The following MCTP2 variants were observed in gnomAD, a reference collection of about 807,000 sequenced individuals.
MCTP2 encodes the protein multiple C2 and transmembrane domain containing 2, also known as multiple C2 and transmembrane domain-containing protein 2.
In MCTP2, 132 loss-of-function variants were observed where a neutral mutation model predicts 111.6. That is an observed-to-expected ratio of 1.18 (90% CI 1.03 to 1.37). MCTP2 has a LOEUF of 1.37. MCTP2 is among the 40% of genes most tolerant of loss of function. The pLI, the probability that MCTP2 is intolerant of heterozygous loss-of-function variation, is 0.00. For missense variants in MCTP2, 1,183 were observed against 1,067.9 expected (o/e 1.11, Z -1.50); for synonymous variants, 395 against 387.7 (o/e 1.02, Z -0.22).
At chr15:94,376,148 T>C (rs1197138451) in intron 12 of MCTP2, among the ~76,000 whole-genome samples, 2 of 152,138 alleles carry the variant, frequency 1.3e-5, no homozygotes, top group Non-Finnish European at 2.9e-5. Context: ...AATCAGGGGG[T>C]TGCATTTCCA....
chr15:94,403,488 G>C (rs901189252), intron 17 of MCTP2, among the ~76,000 whole-genome samples: 1 of 152,218 alleles, frequency 6.6e-6, no homozygotes, highest in Non-Finnish European at 1.5e-5. Context: ...CCACTGTGAG[G>C]AGGAGAGGAT....
chr15:94,346,085 G>T (rs2077965124), intron 8 of MCTP2, among the ~76,000 whole-genome samples: 2 of 151,880 alleles, frequency 1.3e-5, no homozygotes, highest in Non-Finnish European at 2.9e-5. Flanking sequence ...TTGAAACTGG[G>T]GCCACTGCCA....
At chr15:94,308,168 A>G (rs1203236022) in intron 2 of MCTP2, among the ~76,000 whole-genome samples, 2 of 152,170 alleles carry the variant, frequency 1.3e-5, no homozygotes, top group African/African-American at 4.8e-5. Context: ...AATTATTCTA[A>G]CAACCTATAA....
At chr15:94,245,293 T>TATATTTATATACATATATGTAC (rs1167717749) in intron 1 of MCTP2, among the ~76,000 whole-genome samples, 2 of 142,842 alleles carry the variant, frequency 1.4e-5, no homozygotes, top group African/African-American at 5.0e-5. Flanking sequence ...CACATATGTA[T>TATATTTATATACATATATGTAC]ATATTTATAT....
At chr15:94,308,196 T>C (rs1008062075) in intron 2 of MCTP2, among the ~76,000 whole-genome samples, 3 of 152,212 alleles carry the variant, frequency 2.0e-5, no homozygotes, top group African/African-American at 7.2e-5. Context: ...TTTTGATCCA[T>C]TGAGAGATGT....
chr15:94,381,801 A>T (rs1189080022), intron 12 of MCTP2, among the ~76,000 whole-genome samples: 4 of 152,118 alleles, frequency 2.6e-5, no homozygotes, highest in Admixed American at 6.5e-5. Flanking sequence ...GTGTTGTTCT[A>T]TGTTGGTAGG....
At chr15:94,472,140 G>C (rs185873341) in intron 21 of MCTP2, among the ~76,000 whole-genome samples, 2 of 152,218 alleles carry the variant, frequency 1.3e-5, no homozygotes, top group African/African-American at 4.8e-5. Flanking sequence ...CACTTTGGGA[G>C]GCCGAGGCGG....
chr15:94,452,265 G>A (rs931550619), intron 19 of MCTP2, among the ~76,000 whole-genome samples: 3 of 152,132 alleles, frequency 2.0e-5, no homozygotes, highest in Non-Finnish European at 4.4e-5. Context: ...AAAATCAATA[G>A]CATCTTGTTT....
intron 1 of MCTP2, among the ~76,000 whole-genome samples, chr15:94,243,691 A>ATG (rs1332834910): frequency 2.8e-5 from 4 of 142,902 alleles, no homozygotes; most frequent in African/African-American, 1.1e-4. Flanking sequence ...GTATACACAT[A>ATG]CATATGCGTA....
intron 7 of MCTP2, chr15:94,343,119 G>GTT (rs1481229829): frequency 6.6e-6 from 1 of 151,280 alleles, no homozygotes; most frequent in Non-Finnish European, 1.5e-5. Flanking sequence ...CTGATTGGTA[G>GTT]TTTTTTTCCA....
chr15:94,310,375 C>G (rs1434194695), intron 2 of MCTP2, among the ~76,000 whole-genome samples: 1 of 152,132 alleles, frequency 6.6e-6, no homozygotes, highest in Non-Finnish European at 1.5e-5. Context: ...GGTGGTAGAA[C>G]TGTTCTATTA....
intron 4 of MCTP2, among the ~76,000 whole-genome samples, chr15:94,326,812 CGCCCCA>C (rs2076897443): frequency 1.3e-4 from 6 of 46,614 alleles, no homozygotes; most frequent in African/African-American, 2.3e-4. Flanking sequence ...AGGTGATCCC[CGCCCCA>C]CCCCCCCCCA....
chr15:94,398,604 T>C (rs1175610119), intron 14 of MCTP2, among the ~76,000 whole-genome samples: 1 of 152,244 alleles, frequency 6.6e-6, no homozygotes, highest in African/African-American at 2.4e-5. Flanking sequence ...GACAGTTTCC[T>C]AGTCTTTCCT....
chr15:94,377,361 C>G (rs2079834680), intron 12 of MCTP2, among the ~76,000 whole-genome samples: 1 of 152,130 alleles, frequency 6.6e-6, no homozygotes. Flanking sequence ...AAATCAAGAC[C>G]AACTTTTGAA....
intron 5 of MCTP2, 93 bp from the exon 6 acceptor site, chr15:94,340,106 C>A: frequency 1.2e-6 from 1 of 844,496 alleles, no homozygotes; most frequent in Non-Finnish European, 2.0e-6. Context: ...AGACTGATTT[C>A]AGAATTTCCA....
chr15:94,326,954 C>T (rs2076913639), intron 4 of MCTP2, among the ~76,000 whole-genome samples: 1 of 151,936 alleles, frequency 6.6e-6, no homozygotes, highest in Admixed American at 6.6e-5. Context: ...TCAATTTGGA[C>T]CTTTAAATAT....
chr15:94,346,288 T>A (rs1371333325), intron 8 of MCTP2, among the ~76,000 whole-genome samples: 1 of 152,212 alleles, frequency 6.6e-6, no homozygotes, highest in Non-Finnish European at 1.5e-5. Context: ...ATGAACACTT[T>A]AAAATAATTC....
In MCTP2 at chr15:94,446,354, G is replaced by T. The variant is rs1308100696; in HGVS notation, c.2250+3394G>T. Among the ~76,000 whole-genome samples the T allele has an allele frequency of 3.3e-5, 5 of 152,292 alleles. No individual in the cohort carries two copies. The East Asian group carries it at 9.6e-4, about 29-fold the overall frequency. ...TCCAGAACAAACAGATAATAGCTAA[G>T]TTCAGCCAACAGCAATCAGTTGACA... On this transcript the variant is annotated intron_variant, in intron 19 of 22. Coordinates refer to ENST00000357742, the MANE Select transcript of MCTP2 (RefSeq NM_001385001.1).
At chr15:94,315,381 C>A in intron 3 of MCTP2, 148 bp from the exon 4 acceptor site, 2 of 591,650 alleles carry the variant, frequency 3.4e-6, no homozygotes, top group Non-Finnish European at 3.0e-6. Context: ...GCAGGGTAAC[C>A]AAGTTGTCAT....
Sources: allele counts gnomAD v4.1 joint callset (sites outside exome capture counted in the v4.1 genomes callset), GRCh38; gene constraint gnomAD v4.1.1; transcripts MANE v1.5; gene names NCBI Gene and HGNC (gene_info 2026-07-23, HGNC 2026-07-21).